Variants in NRG1 observed in about 807,000 individuals in gnomAD.
The protein encoded by NRG1 is pro-neuregulin-1, membrane-bound isoform.
NRG1 carries 18 observed loss-of-function variants against 63.8 expected under a neutral mutation model. That is an observed-to-expected ratio of 0.28 (90% confidence interval 0.19 to 0.42). The LOEUF is 0.42. Among genes scored for constraint, NRG1 ranks in the 10% least tolerant of loss-of-function variants. The probability of loss-of-function intolerance (pLI) is 1.00; values close to 1 mark genes in which losing one functional copy is unlikely to be tolerated. For missense variants in NRG1, 762 were observed against 814.7 expected (o/e 0.94, Z 0.79); for synonymous variants, 302 against 301.3 (o/e 1.00, Z -0.02).
At chr8:31,710,422 C>G (rs1811624454) in intron 1 of NRG1, among the ~76,000 whole-genome samples, 1 of 151,746 alleles carries the variant, frequency 6.6e-6, no homozygotes, top group Admixed American at 6.6e-5. Context: ...TATCAAACAT[C>G]CATAACACAT....
chr8:32,311,752 G>T (rs530464044), intron 1 of NRG1, among the ~76,000 whole-genome samples: 1 of 152,150 alleles, frequency 6.6e-6, no homozygotes, highest in African/African-American at 2.4e-5. Context: ...CACAATGCCT[G>T]CCTCTGTTTC....
chr8:32,709,540 G>T (rs1817282702), intron 5 of NRG1, among the ~76,000 whole-genome samples: 1 of 151,818 alleles, frequency 6.6e-6, no homozygotes, highest in Non-Finnish European at 1.5e-5. Flanking sequence ...CCTCTCAAGT[G>T]GCTGGGACTA....
At chr8:32,242,423 G>A (rs1001552653) in intron 1 of NRG1, among the ~76,000 whole-genome samples, 11 of 152,250 alleles carry the variant, frequency 7.2e-5, no homozygotes, top group African/African-American at 2.2e-4. Context: ...GCAGTGAGCC[G>A]AGATCGTGCA....
chr8:32,673,934 C>CA (rs1413314822), intron 5 of NRG1, among the ~76,000 whole-genome samples: 2 of 152,246 alleles, frequency 1.3e-5, no homozygotes, highest in East Asian at 3.9e-4. Flanking sequence ...CACAACATGA[C>CA]TTTTATCAGG....
At chr8:31,711,151 A>T (rs1270265363) in intron 1 of NRG1, among the ~76,000 whole-genome samples, 1 of 152,128 alleles carries the variant, frequency 6.6e-6, no homozygotes, top group African/African-American at 2.4e-5. Context: ...CATTTTTAAA[A>T]ATTTTACCAG....
intron 1 of NRG1, among the ~76,000 whole-genome samples, chr8:32,268,611 G>A (rs1256342881): frequency 1.3e-5 from 2 of 152,024 alleles, no homozygotes; most frequent in Non-Finnish European, 2.9e-5. Context: ...GAATGGATGT[G>A]TATTTAAGCT....
chr8:32,339,866 T>C (rs35264782), intron 1 of NRG1, among the ~76,000 whole-genome samples: 32,380 of 152,134 alleles, frequency 0.21, 3,946 homozygotes, highest in Non-Finnish European at 0.29. Flanking sequence ...ATAGTCTACA[T>C]AGGAAAGGCT....
rs1042436350 is a variant in NRG1 at position 31,770,288 on chromosome 8, C to T, written c.37+130857C>T. 5.9e-5 allele frequency among the ~76,000 whole-genome samples: 9 copies of T among 152,074 alleles called. No homozygotes were observed. In the East Asian group the frequency reaches 1.4e-3, roughly 23 times the overall value. On this transcript the variant is annotated intron_variant, in intron 1 of 10. Coordinates refer to the NRG1 transcript ENST00000519301. ...TTTATAGTTAAACCTCTAGTAAAAC[C>T]CTGAATTCAAAAATATTTGTAGCAG...
chr8:32,049,932 A>G (rs928825465), intron 1 of NRG1, among the ~76,000 whole-genome samples: 2 of 152,078 alleles, frequency 1.3e-5, no homozygotes, highest in Non-Finnish European at 2.9e-5. Context: ...TCCAAAGCTT[A>G]CCCACCCTAA....
intron 1 of NRG1, among the ~76,000 whole-genome samples, chr8:32,324,973 G>T (rs867618909): frequency 6.6e-6 from 1 of 152,164 alleles, no homozygotes; most frequent in Admixed American, 6.5e-5. Flanking sequence ...AAGGTTGTCC[G>T]AATGTTTAAA....
At chr8:32,207,626 C>A (rs973698330) in intron 1 of NRG1, among the ~76,000 whole-genome samples, 1 of 152,132 alleles carries the variant, frequency 6.6e-6, no homozygotes, top group East Asian at 1.9e-4. Flanking sequence ...ATGCAAACAT[C>A]ATAACAGCAT....
At chr8:31,808,918 GT>G (rs1304699780) in intron 1 of NRG1, among the ~76,000 whole-genome samples, 1 of 151,844 alleles carries the variant, frequency 6.6e-6, no homozygotes, top group Non-Finnish European at 1.5e-5. Flanking sequence ...TTTTTGTTTT[GT>G]TTTGTTGAAT....
chr8:32,035,666 G>C (rs1013376088), intron 1 of NRG1, among the ~76,000 whole-genome samples: 3 of 152,076 alleles, frequency 2.0e-5, no homozygotes, highest in African/African-American at 7.2e-5. Context: ...TTTTCTTGTT[G>C]TCCCCTTCAC....
intron 5 of NRG1, among the ~76,000 whole-genome samples, chr8:32,623,943 TATGTGTGTGC>T (rs1848749978): frequency 6.6e-6 from 1 of 152,198 alleles, no homozygotes; most frequent in Non-Finnish European, 1.5e-5. Flanking sequence ...GACCATAAAA[TATGTGTGTGC>T]ATGTGTGTGT....
chr8:32,064,642 G>A (rs984714442), intron 1 of NRG1, among the ~76,000 whole-genome samples: 1 of 152,118 alleles, frequency 6.6e-6, no homozygotes, highest in Non-Finnish European at 1.5e-5. Context: ...TATTGTGAAG[G>A]AAAAGTATTT....
At chr8:32,739,267 A>G (rs1021020818) in intron 6 of NRG1, among the ~76,000 whole-genome samples, 3 of 152,120 alleles carry the variant, frequency 2.0e-5, no homozygotes, top group Non-Finnish European at 4.4e-5. Context: ...GGATCTTGTT[A>G]AAATGAAGCT....
chr8:32,213,628 TAAA>T (rs1000236024), intron 1 of NRG1, among the ~76,000 whole-genome samples: 1 of 151,110 alleles, frequency 6.6e-6, no homozygotes, highest in African/African-American at 2.4e-5. Context: ...TAAAAAAATT[TAAA>T]AAAAAAGAAA....
At chr8:32,311,989 G>C (rs994420809) in intron 1 of NRG1, among the ~76,000 whole-genome samples, 7 of 152,032 alleles carry the variant, frequency 4.6e-5, no homozygotes, top group Non-Finnish European at 1.0e-4. Flanking sequence ...TGCAGTGTTT[G>C]CTCAACCTGT....
chr8:32,146,825 A>C (rs1836918115), intron 1 of NRG1, among the ~76,000 whole-genome samples: 1 of 152,004 alleles, frequency 6.6e-6, no homozygotes, highest in South Asian at 2.1e-4. Context: ...TCTACGTATT[A>C]ATTGGTGTAA....
Sources: allele counts gnomAD v4.1 joint callset (sites outside exome capture counted in the v4.1 genomes callset), GRCh38; gene constraint gnomAD v4.1.1; transcripts MANE v1.5; gene names NCBI Gene and HGNC (gene_info 2026-07-23, HGNC 2026-07-21).